The following HS6ST2 variants were observed in gnomAD, a reference collection of about 807,000 sequenced individuals.
HS6ST2 encodes heparan-sulfate 6-O-sulfotransferase 2.
Under a neutral mutation model 33.0 loss-of-function variants are expected in HS6ST2, and 17 were observed. That is an observed-to-expected ratio of 0.52 (90% CI 0.35 to 0.77). HS6ST2 has a LOEUF of 0.77. Among genes scored for constraint, HS6ST2 ranks in the 30% least tolerant of loss-of-function variants. HS6ST2 has a pLI of 0.01. For missense variants in HS6ST2, 519 were observed against 551.7 expected, an observed-to-expected ratio of 0.94 and a Z score of 0.59; for synonymous variants, 248 against 237.1, an observed-to-expected ratio of 1.05 and a Z score of -0.42.
intron 2 of HS6ST2, among the ~76,000 whole-genome samples, chrX:132,794,067 A>G (rs910765744): frequency 1.8e-5 from 2 of 112,947 alleles, no homozygotes; most frequent in Admixed American, 9.4e-5. Context: ...CTGTGAGTAG[A>G]ATTAAAGAAT....
At chrX:132,748,368 C>T (rs2064667385) in intron 2 of HS6ST2, among the ~76,000 whole-genome samples, 1 of 111,938 alleles carries the variant, frequency 8.9e-6, no homozygotes, top group Admixed American at 9.5e-5. Context: ...AGAAAAGGAC[C>T]GCTGGTAATA....
intron 3 of HS6ST2, among the ~76,000 whole-genome samples, chrX:132,681,118 C>T (rs1045440815): frequency 9.0e-6 from 1 of 111,367 alleles, no homozygotes; most frequent in Non-Finnish European, 1.9e-5. Flanking sequence ...TGTCCTTCAT[C>T]CCACCAAGGA....
At chrX:132,727,246 G>T (rs922943211) in intron 2 of HS6ST2, among the ~76,000 whole-genome samples, 4 of 98,032 alleles carry the variant, frequency 4.1e-5, no homozygotes, top group Admixed American at 2.2e-4. Context: ...TGGGGGGGGG[G>T]GCATAGAGAT....
At chrX:132,809,811 A>G (rs1287450255) in intron 2 of HS6ST2, among the ~76,000 whole-genome samples, 2 of 111,738 alleles carry the variant, frequency 1.8e-5, no homozygotes, top group Admixed American at 9.5e-5. Context: ...CAAACCAACA[A>G]TGCCTTCCTG....
At chrX:132,762,993 G>A (rs758581163) in intron 2 of HS6ST2, among the ~76,000 whole-genome samples, 3 of 111,922 alleles carry the variant, frequency 2.7e-5, no homozygotes, top group Non-Finnish European at 5.6e-5. Flanking sequence ...AAATGCCGAT[G>A]ACAATAATGA....
chrX:132,868,002 G>C (rs1157093169), intron 2 of HS6ST2, among the ~76,000 whole-genome samples: 3 of 111,921 alleles, frequency 2.7e-5, no homozygotes, highest in Non-Finnish European at 5.6e-5. Context: ...ATTGGATAAA[G>C]AGTCAAGACC....
chrX:132,751,274 T>C (rs2064705646), intron 2 of HS6ST2, among the ~76,000 whole-genome samples: 2 of 111,310 alleles, frequency 1.8e-5, no homozygotes, highest in Non-Finnish European at 3.8e-5. Flanking sequence ...GGGGCTTATT[T>C]CCTGTGGCAA....
intron 2 of HS6ST2, among the ~76,000 whole-genome samples, chrX:132,952,607 G>T (rs1010898377): frequency 4.5e-5 from 5 of 110,938 alleles, no homozygotes; most frequent in African/African-American, 6.6e-5. Flanking sequence ...GGGAATAAAA[G>T]AAAGCTTTTC....
chrX:132,880,912 T>G (rs1284949306), intron 2 of HS6ST2, among the ~76,000 whole-genome samples: 1 of 109,436 alleles, frequency 9.1e-6, no homozygotes, highest in Non-Finnish European at 1.9e-5. Context: ...TTGCTGAGAA[T>G]GATGGTTTCC....
chrX:132,740,750 A>C (rs2064564860), intron 2 of HS6ST2, among the ~76,000 whole-genome samples: 2 of 110,349 alleles, frequency 1.8e-5, no homozygotes, highest in African/African-American at 6.6e-5. Context: ...AAAAGCTCCT[A>C]CCTGCCAAGA....
intron 2 of HS6ST2, among the ~76,000 whole-genome samples, chrX:132,880,901 T>C (rs2066164113): frequency 9.2e-6 from 1 of 108,990 alleles, no homozygotes; most frequent in South Asian, 4.2e-4. Flanking sequence ...CTTGCGATAG[T>C]TTGCTGAGAA....
intron 2 of HS6ST2, among the ~76,000 whole-genome samples, chrX:132,892,808 G>A (rs1364910778): frequency 1.8e-5 from 2 of 111,528 alleles, no homozygotes; most frequent in Admixed American, 1.9e-4. Flanking sequence ...GACAGAGTGA[G>A]ACTCCATCTT....
intron 2 of HS6ST2, among the ~76,000 whole-genome samples, chrX:132,710,338 T>G (rs1188126783): frequency 1.8e-5 from 2 of 112,195 alleles, no homozygotes; most frequent in Non-Finnish European, 3.8e-5. Flanking sequence ...ACACACACTC[T>G]CTTTGGGAAG....
intron 4 of HS6ST2, among the ~76,000 whole-genome samples, chrX:132,645,135 T>C (rs1722672153): frequency 8.9e-6 from 1 of 111,791 alleles, no homozygotes; most frequent in African/African-American, 3.3e-5. Flanking sequence ...ATCTGAGACC[T>C]AGAAGGAAAG....
intron 4 of HS6ST2, among the ~76,000 whole-genome samples, chrX:132,650,741 ATCTCTCTCTCTCTC>A (rs3066707): frequency 2.3e-5 from 2 of 87,404 alleles, no homozygotes; most frequent in Admixed American, 1.3e-4. Context: ...CATAGGAGGG[ATCTCTCTCTCTCTC>A]TCTCTCTCTC....
At chrX:132,730,389 C>G (rs1373562741) in intron 2 of HS6ST2, among the ~76,000 whole-genome samples, 1 of 112,047 alleles carries the variant, frequency 8.9e-6, no homozygotes, top group African/African-American at 3.2e-5. Context: ...GAAAAGCAGG[C>G]AACAGGCTGC....
chrX:132,678,996 T>C (rs760838708), intron 3 of HS6ST2, among the ~76,000 whole-genome samples: 50 of 111,509 alleles, frequency 4.5e-4, no homozygotes, highest in Non-Finnish European at 8.3e-4. Context: ...CGCCTAGAAA[T>C]ATAGAGTTAG....
At chrX:132,933,835 C>G in intron 2 of HS6ST2, among the ~76,000 whole-genome samples, 1 of 111,522 alleles carries the variant, frequency 9.0e-6, no homozygotes, top group Non-Finnish European at 1.9e-5. Flanking sequence ...GAAAAGAAAC[C>G]AATAATTAAG....
chrX:132,950,930 A>G (rs1160082186), intron 2 of HS6ST2, among the ~76,000 whole-genome samples: 1 of 111,409 alleles, frequency 9.0e-6, no homozygotes, highest in Non-Finnish European at 1.9e-5. Flanking sequence ...TTAAATAACA[A>G]CGCCAATTGT....
Sources: gnomAD v4.1 joint callset for allele counts (sites outside exome capture counted in the v4.1 genomes callset) on GRCh38, gnomAD v4.1.1 for gene constraint, MANE v1.5 for transcripts, NCBI Gene and HGNC (gene_info 2026-07-23, HGNC 2026-07-21) for gene names.